The following PHACTR2 variants were observed in gnomAD, a reference collection of about 807,000 sequenced individuals.
PHACTR2 encodes the protein phosphatase and actin regulator 2, also known as chromosome 6 open reading frame 56.
A neutral mutation model predicts 76.0 loss-of-function variants in PHACTR2; 30 were observed. The ratio of observed to expected loss-of-function variants is 0.39; its 90% CI spans 0.30 to 0.54. The LOEUF is 0.54. PHACTR2 is among the 20% of genes least tolerant of loss of function. The pLI, the probability that PHACTR2 is intolerant of heterozygous loss-of-function variation, is 0.61. For missense variants in PHACTR2, 696 were observed against 781.1 expected, an observed-to-expected ratio of 0.89 and a Z score of 1.30; for synonymous variants, 292 against 292.5, an observed-to-expected ratio of 1.00 and a Z score of 0.02.
At chr6:143,728,656 G>A (rs1238090183) in intron 2 of PHACTR2, among the ~76,000 whole-genome samples, 1 of 152,110 alleles carries the variant, frequency 6.6e-6, no homozygotes, top group African/African-American at 2.4e-5. Flanking sequence ...CAATGGAATA[G>A]AATAGAGAAC....
chr6:143,729,134 A>G (rs1232399475), intron 2 of PHACTR2, among the ~76,000 whole-genome samples: 2 of 152,138 alleles, frequency 1.3e-5, no homozygotes, highest in African/African-American at 4.8e-5. Flanking sequence ...TGCCATCCAT[A>G]TATCCTCTTT....
rs1448960215 is a variant in PHACTR2 at position 143,733,870 on chromosome 6, T to C, written c.215-15115T>C. ...CTAGAAATTCTGTGGGCAAGAGATA[T>C]TATATAATAATTTTATTACGTATGC... is the stretch of plus-strand genomic sequence containing the variant. On this transcript the variant is annotated intron_variant, in intron 2 of 12. Transcript: ENST00000440869. The surrounding 1 kb of genome is among the most constrained non-coding windows in gnomAD (Gnocchi z 4.0). Among the ~76,000 whole-genome samples the C allele has an allele frequency of 2.0e-5, 3 of 152,192 alleles. No homozygotes were observed. Among genetic ancestry groups the C allele is most frequent in the Admixed American group, 6.5e-5 (1 of 15,272 alleles).
At chr6:143,673,883 GA>G (rs959809854), upstream of PHACTR2, among the ~76,000 whole-genome samples, 9 of 151,922 alleles carry the variant, frequency 5.9e-5, no homozygotes, top group African/African-American at 2.2e-4. Flanking sequence ...GCAAGCAGAA[GA>G]AGGAAAACTC....
chr6:143,576,277 G>A (rs917862766), intron 1 of PHACTR2, among the ~76,000 whole-genome samples: 2 of 152,282 alleles, frequency 1.3e-5, no homozygotes, highest in African/African-American at 4.8e-5. Flanking sequence ...CCGCTCTCAT[G>A]ACATAGCTTT....
Position 143,579,357 on chromosome 6 carries a change from G to A in PHACTR2, c.217+42150G>A, listed in dbSNP as rs566928885. Among the ~76,000 whole-genome samples the A allele has an allele frequency of 1.4e-3, 213 of 152,230 alleles. 1 individual carries two copies. The highest frequency in any genetic ancestry group is 4.8e-3 in the African/African-American group (200 of 41,540). ...TAAAGGAGACTTATGGGCCAAGAGA[G>A]GTCCTGGTTGAAGGAAGGAAAACAT... is the stretch of plus-strand genomic sequence containing the variant. On this transcript the variant is annotated intron_variant, in intron 1 of 11. Coordinates refer to the PHACTR2 transcript ENST00000367584.
At chr6:143,727,974 G>C (rs917530154) in intron 2 of PHACTR2, among the ~76,000 whole-genome samples, 1 of 152,102 alleles carries the variant, frequency 6.6e-6, no homozygotes, top group Admixed American at 6.5e-5. Context: ...TGAACTGGAA[G>C]TCCTAGCCAG....
chr6:143,563,607 T>A (rs1159934087), intron 1 of PHACTR2, among the ~76,000 whole-genome samples: 1 of 151,240 alleles, frequency 6.6e-6, no homozygotes, highest in African/African-American at 2.4e-5. Context: ...GACATAGTGT[T>A]TAGGGAATCA....
Position 143,753,124 on chromosome 6 carries a change from T to C in PHACTR2, c.296-630T>C, listed in dbSNP as rs1271054239. ...AACTTAGGGACTTTTTGGCTAGTTA[T>C]ATATAATAATTACCTGAGTATACTT... is the stretch of plus-strand genomic sequence containing the variant. On this transcript the variant is annotated intron_variant, in intron 3 of 12. Transcript: ENST00000440869. This position sits in a 1 kb window ranked among gnomAD's most constrained non-coding sequence, Gnocchi z 4.6. 6.6e-6 allele frequency among the ~76,000 whole-genome samples: 1 copy of C among 152,024 alleles called. No individual in the cohort carries two copies. The highest frequency in any genetic ancestry group is 2.4e-5 in the African/African-American group (1 of 41,416).
intron 9 of PHACTR2, among the ~76,000 whole-genome samples, chr6:143,778,045 G>A (rs1775326694): frequency 6.6e-6 from 1 of 152,198 alleles, no homozygotes; most frequent in African/African-American, 2.4e-5. Flanking sequence ...TAGAAATACA[G>A]TTTGTCATGC....
Position 143,800,332 on chromosome 6 carries a change from G to A in PHACTR2, c.1846-6725G>A, listed in dbSNP as rs373175283. 2.6e-5 allele frequency among the ~76,000 whole-genome samples: 4 copies of A among 152,050 alleles called. No homozygotes were observed. Among genetic ancestry groups the A allele is most frequent in the Admixed American group, 1.3e-4 (2 of 15,268 alleles). On this transcript the variant is annotated intron_variant, in intron 11 of 12. Transcript: ENST00000440869. This position sits in a 1 kb window ranked among gnomAD's most constrained non-coding sequence, Gnocchi z 4.8. Reference sequence around the variant, plus strand: ...GCTGGAGTGCAGTGGTGCAATCTCCGCTCACAGCAAGCTCCGCCTCCCAGG... The same window carrying A: ...GCTGGAGTGCAGTGGTGCAATCTCCACTCACAGCAAGCTCCGCCTCCCAGG...
rs1036215120 is a variant in PHACTR2, at chr6:143,829,488, A to G, written c.*5799A>G. 6.6e-6 allele frequency: 1 copy of G among 152,204 alleles called. No homozygotes were observed. The highest frequency in any genetic ancestry group is 1.5e-5 in the Non-Finnish European group (1 of 68,038). 9.4% of individuals were successfully genotyped at this position (152,204 alleles called of 1,614,324 possible). A position where few individuals can be genotyped will look rare whatever the true frequency, so the allele number is the denominator to read the frequency against. ...GTAGTCATGCGATTCAACTTTTCTA[A>G]TAAGATTTGTGAATGCTGCATCATG... On this transcript the variant is annotated 3_prime_UTR_variant, in exon 13 of 13. Transcript: ENST00000440869.
chr6:143,576,875 CAAAAAAAAAA>C (rs35937662), intron 1 of PHACTR2, among the ~76,000 whole-genome samples: 1 of 102,552 alleles, frequency 9.8e-6, no homozygotes, highest in East Asian at 3.5e-4. Flanking sequence ...GACTCTGTCT[CAAAAAAAAAA>C]AAAAAAAAAA....
chr6:143,552,970 A>C (rs1775113325), intron 1 of PHACTR2, among the ~76,000 whole-genome samples: 1 of 152,034 alleles, frequency 6.6e-6, no homozygotes, highest in African/African-American at 2.4e-5. Flanking sequence ...CTTTAGGAAA[A>C]CCGGCATGAT....
rs1278139631 is a variant in PHACTR2, at chr6:143,556,672, C to G, written c.217+19465C>G. Reference sequence around the variant, plus strand: ...TAGGTTTGAAGCTTTCAGCTGCTATCAGATTTGAACCTCTCAGCTCACAGG... The same window carrying G: ...TAGGTTTGAAGCTTTCAGCTGCTATGAGATTTGAACCTCTCAGCTCACAGG... On this transcript the variant is annotated intron_variant, in intron 1 of 11. Transcript: ENST00000367584. The surrounding 1 kb of genome is among the most constrained non-coding windows in gnomAD (Gnocchi z 4.3). 1.3e-5 allele frequency among the ~76,000 whole-genome samples: 2 copies of G among 152,168 alleles called. No homozygotes were observed. Among genetic ancestry groups the G allele is most frequent in the Non-Finnish European group, 2.9e-5 (2 of 68,038 alleles).
At chr6:143,634,292 C>T (rs779788621) in intron 1 of PHACTR2, among the ~76,000 whole-genome samples, 4 of 152,162 alleles carry the variant, frequency 2.6e-5, no homozygotes, top group Non-Finnish European at 5.9e-5. Flanking sequence ...AAGAATGTAC[C>T]GTTCCTTTCA....
chr6:143,782,150 C>G lies in PHACTR2; in HGVS notation c.1646-1069C>G, dbSNP rs896613057. Among the ~76,000 whole-genome samples the G allele has an allele frequency of 6.6e-6, 1 of 151,864 alleles. No individual in the cohort carries two copies. The highest frequency in any genetic ancestry group is 1.5e-5 in the Non-Finnish European group (1 of 67,984). Reference sequence around the variant, plus strand: ...TAAAAAAATTTTTTTTAATTGAACCCGGGAAGCGGAGGTTGCGGTGAGCCA... The same window carrying G: ...TAAAAAAATTTTTTTTAATTGAACCGGGGAAGCGGAGGTTGCGGTGAGCCA... On this transcript the variant is annotated intron_variant, in intron 9 of 12. Transcript: ENST00000440869. This position sits in a 1 kb window ranked among gnomAD's most constrained non-coding sequence, Gnocchi z 4.6.
chr6:143,619,605 A>C lies in PHACTR2; in HGVS notation c.13+11283A>C, dbSNP rs544817392. Among the ~76,000 whole-genome samples, 10 of 152,186 alleles carry C rather than the reference A, an allele frequency of 6.6e-5. No homozygotes were observed. In the South Asian group the frequency reaches 2.1e-3, roughly 32 times the overall value. On this transcript the variant is annotated intron_variant, in intron 1 of 11. Transcript: ENST00000305766. This position sits in a 1 kb window ranked among gnomAD's most constrained non-coding sequence, Gnocchi z 4.5. ...GGTACATTCTGTTTTCTCTTCCTCCACTTACTGTGGAAAGGGACTCGGTAG... is the reference window on the plus strand; with the variant it reads ...GGTACATTCTGTTTTCTCTTCCTCCCCTTACTGTGGAAAGGGACTCGGTAG...
rs1776383541 is a variant in PHACTR2 at position 143,820,173 on chromosome 6, TC to T, written c.1923-3499del. Reference sequence around the variant, plus strand: ...CCACCTCCAGCATTGGGGATTATATTCCAACATGAGATTTGGCAGGGACAAA... The same window carrying T: ...CCACCTCCAGCATTGGGGATTATATTCAACATGAGATTTGGCAGGGACAAA... On this transcript the variant is annotated intron_variant, in intron 12 of 12. Coordinates refer to ENST00000440869, the MANE Select transcript of PHACTR2 (RefSeq NM_001100164.2). The surrounding 1 kb of genome is among the most constrained non-coding windows in gnomAD (Gnocchi z 4.2). Among the ~76,000 whole-genome samples the T allele has an allele frequency of 6.6e-6, 1 of 152,102 alleles. No homozygotes were observed. Among genetic ancestry groups the T allele is most frequent in the Non-Finnish European group, 1.5e-5 (1 of 68,020 alleles).
chr6:143,671,769 A>G lies in PHACTR2; in HGVS notation c.14-40247A>G, dbSNP rs1354476952. On this transcript the variant is annotated intron_variant, in intron 1 of 11. Transcript: ENST00000305766. This position sits in a 1 kb window ranked among gnomAD's most constrained non-coding sequence, Gnocchi z 4.6. Reference sequence around the variant, plus strand: ...ATAGAACTAGCATATATGTAACACAATATAGACCCAAAGTCTTTTCATGGA... The same window carrying G: ...ATAGAACTAGCATATATGTAACACAGTATAGACCCAAAGTCTTTTCATGGA... Among the ~76,000 whole-genome samples, 6 of 152,260 alleles carry G rather than the reference A, an allele frequency of 3.9e-5. No individual in the cohort carries two copies.
Sources: allele counts gnomAD v4.1 joint callset (sites outside exome capture counted in the v4.1 genomes callset), GRCh38; gene constraint gnomAD v4.1.1; non-coding constraint Gnocchi (gnomAD v3.1); transcripts MANE v1.5; gene names NCBI Gene and HGNC (gene_info 2026-07-23, HGNC 2026-07-21).